The following ZNF469 variants were observed in gnomAD, a reference collection of about 807,000 sequenced individuals.
The protein encoded by ZNF469 is zinc finger protein 469.
ZNF469 carries 1 observed loss-of-function variant against 1.0 expected under a neutral mutation model. The observed-to-expected ratio is 1.00, with a 90% CI of 0.35 to 4.73. The LOEUF (loss-of-function observed/expected upper bound fraction) is 4.73. ZNF469 is among the 30% of genes most tolerant of loss of function. The pLI, the probability that ZNF469 is intolerant of heterozygous loss-of-function variation, is 0.16. For synonymous variants in ZNF469, 2,703 were observed against 2,363.4 expected (o/e 1.14, Z -4.17); for missense variants, 6,100 against 5,356.3 (o/e 1.14, Z -4.33).
the ZNF469 span, among the ~76,000 whole-genome samples, chr16:88,288,471 AATC>A: frequency 4.6e-5 from 7 of 152,206 alleles, no homozygotes; most frequent in Admixed American, 2.0e-4. Context: ...CAAATCTATC[AATC>A]ATCAAGGCTA....
the ZNF469 span, among the ~76,000 whole-genome samples, chr16:88,350,901 G>A: frequency 3.3e-5 from 5 of 152,184 alleles, no homozygotes; most frequent in African/African-American, 9.7e-5. Flanking sequence ...ACCCAGCCCC[G>A]CCAACACCCT....
At chr16:88,163,930 G>A in the ZNF469 span, among the ~76,000 whole-genome samples, 1 of 151,484 alleles carries the variant, frequency 6.6e-6, no homozygotes, top group Non-Finnish European at 1.5e-5. Context: ...GTGGGTGGAT[G>A]GATGAATGGC....
chr16:88,394,299 A>C (rs901600676), intron 1 of ZNF469, among the ~76,000 whole-genome samples: 9 of 152,282 alleles, frequency 5.9e-5, no homozygotes, highest in African/African-American at 2.2e-4. Context: ...TGACACGTCT[A>C]CACCTGTGCT....
chr16:88,219,288 CA>C, the ZNF469 span, among the ~76,000 whole-genome samples: 2 of 149,358 alleles, frequency 1.3e-5, no homozygotes, highest in African/African-American at 5.0e-5. Flanking sequence ...CATATGGAAT[CA>C]AAAAAGAGCC....
the ZNF469 span, among the ~76,000 whole-genome samples, chr16:88,153,104 G>T: frequency 6.6e-6 from 1 of 152,188 alleles, no homozygotes; most frequent in African/African-American, 2.4e-5. Context: ...CCCCGGGCAG[G>T]TTGGCGGGGC....
chr16:88,283,103 A>G, the ZNF469 span, among the ~76,000 whole-genome samples: 3 of 152,088 alleles, frequency 2.0e-5, no homozygotes, highest in Non-Finnish European at 4.4e-5. Context: ...CAAATTGTTT[A>G]TTTTAGTCGT....
chr16:88,196,770 AAGGCCACACAGCC>A, the ZNF469 span, among the ~76,000 whole-genome samples: 22 of 152,194 alleles, frequency 1.4e-4, no homozygotes, highest in African/African-American at 5.1e-4. Flanking sequence ...CCAACTGCTC[AAGGCCACACAGCC>A]AGGCCACACA....
chr16:88,256,886 T>TTTCTTTCTTTCTCTCTCTCTC, the ZNF469 span, among the ~76,000 whole-genome samples: 1 of 101,848 alleles, frequency 9.8e-6, no homozygotes, highest in African/African-American at 3.4e-5. Context: ...TTTTCTTTTC[T>TTTCTTTCTTTCTCTCTCTCTC]TTTCTTTCCT....
the ZNF469 span, among the ~76,000 whole-genome samples, chr16:88,128,634 T>C: frequency 6.6e-6 from 1 of 152,082 alleles, no homozygotes; most frequent in Non-Finnish European, 1.5e-5. Flanking sequence ...GGCAGGGGCT[T>C]CTCTCCCCCG....
chr16:88,211,438 C>T, the ZNF469 span, among the ~76,000 whole-genome samples: 20 of 152,200 alleles, frequency 1.3e-4, no homozygotes, highest in East Asian at 7.7e-4. Context: ...GAGGGAAAGT[C>T]GATACAAACT....
In ZNF469 at chr16:88,435,276, G is replaced by A; in HGVS notation, c.7806G>A (p.Leu2602=). 2.6e-6 allele frequency: 4 copies of A among 1,550,406 alleles called. No homozygotes were observed. The highest frequency in any genetic ancestry group is 3.5e-6 in the Non-Finnish European group (4 of 1,146,996). ...CAGACCAGGCCAGGGAAGATGAGCT[G>A]CATCCCAAACAGGCAGAAAAAAGAG... ...PRPDQAREDE[L]HPKQAEKREG... The change falls in exon 3 of 3, where the codon CTG becomes CTA. Residue 2602 remains leucine, a synonymous_variant. Coordinates refer to ENST00000565624, the MANE Select transcript of ZNF469 (RefSeq NM_001367624.2).
the ZNF469 span, among the ~76,000 whole-genome samples, chr16:88,266,636 C>G: frequency 6.6e-6 from 1 of 152,324 alleles, no homozygotes; most frequent in Non-Finnish European, 1.5e-5. Context: ...AGAAGGTTAC[C>G]TATTGCTCTT....
the ZNF469 span, among the ~76,000 whole-genome samples, chr16:88,166,258 T>G: frequency 1.3e-5 from 2 of 152,244 alleles, no homozygotes; most frequent in African/African-American, 2.4e-5. The surrounding 1 kb of genome is among the most constrained non-coding windows in gnomAD (Gnocchi z 4.5). Flanking sequence ...ACACTCACTT[T>G]GATCAAATCT....
chr16:88,400,955 G>A (rs1159154495), intron 1 of ZNF469, among the ~76,000 whole-genome samples: 1 of 152,084 alleles, frequency 6.6e-6, no homozygotes, highest in African/African-American at 2.4e-5. Context: ...CAGGCCAGGG[G>A]TTGCTTCTGC....
At chr16:88,347,083 C>G in the ZNF469 span, among the ~76,000 whole-genome samples, 1 of 152,126 alleles carries the variant, frequency 6.6e-6, no homozygotes, top group East Asian at 1.9e-4. Context: ...GGCCGTACGG[C>G]TGAGCTTGGG....
chr16:88,233,689 G>A, the ZNF469 span, among the ~76,000 whole-genome samples: 6 of 152,268 alleles, frequency 3.9e-5, no homozygotes, highest in African/African-American at 1.4e-4. Flanking sequence ...CCAGGGGAAG[G>A]CAGATGTTTT....
the ZNF469 span, among the ~76,000 whole-genome samples, chr16:88,303,164 G>A: frequency 1.1e-4 from 17 of 152,336 alleles, no homozygotes; most frequent in Admixed American, 5.9e-4. Flanking sequence ...AGTTGTGTCT[G>A]AGGATTTGGT....
chr16:88,234,891 T>C, the ZNF469 span: 1 of 151,868 alleles, frequency 6.6e-6, no homozygotes, highest in South Asian at 2.1e-4. Flanking sequence ...AAACAGGAAT[T>C]CACGCAGAAG....
chr16:88,165,524 C>T, the ZNF469 span, among the ~76,000 whole-genome samples: 12 of 152,290 alleles, frequency 7.9e-5, no homozygotes, highest in East Asian at 3.9e-4. Context: ...CCTGGATTCT[C>T]GGATGTGAAG....
Sources: gnomAD v4.1 joint callset for allele counts (sites outside exome capture counted in the v4.1 genomes callset) on GRCh38, gnomAD v4.1.1 for gene constraint, Gnocchi (gnomAD v3.1) non-coding constraint, MANE v1.5 for transcripts, NCBI Gene and HGNC (gene_info 2026-07-23, HGNC 2026-07-21) for gene names.